CSMD3: variants seen among roughly 807,000 people sequenced by gnomAD.
CSMD3 encodes the protein CUB and Sushi multiple domains 3.
Under a neutral mutation model 435.2 loss-of-function variants are expected in CSMD3, and 177 were observed. The observed-to-expected ratio is 0.41, with a 90% confidence interval of 0.36 to 0.46. CSMD3 has a LOEUF of 0.46. Among genes scored for constraint, CSMD3 ranks in the 20% least tolerant of loss-of-function variants. The pLI is 0.34. For missense variants in CSMD3, 4,265 were observed against 4,504.6 expected (o/e 0.95, Z 1.52); for synonymous variants, 1,656 against 1,520.5 (o/e 1.09, Z -2.07).
intron 11 of CSMD3, among the ~76,000 whole-genome samples, chr8:112,842,745 G>T (rs1224541122): frequency 6.6e-6 from 1 of 151,544 alleles, no homozygotes; most frequent in Non-Finnish European, 1.5e-5. Context: ...AGTATATGAG[G>T]AATTTTAGCA....
intron 13 of CSMD3, among the ~76,000 whole-genome samples, chr8:112,696,037 C>G (rs1401078868): frequency 2.0e-5 from 3 of 152,170 alleles, no homozygotes; most frequent in Admixed American, 6.5e-5. Context: ...TGAAGGACCT[C>G]TTCAAGGAGA....
chr8:112,951,346 G>A (rs2083802321), intron 8 of CSMD3, among the ~76,000 whole-genome samples: 1 of 151,754 alleles, frequency 6.6e-6, no homozygotes, highest in South Asian at 2.1e-4. Context: ...TACATGAATA[G>A]TGTAAGTATG....
At chr8:112,790,519 A>G (rs1384623535) in intron 13 of CSMD3, among the ~76,000 whole-genome samples, 1 of 152,106 alleles carries the variant, frequency 6.6e-6, no homozygotes, top group Non-Finnish European at 1.5e-5. Context: ...ACTTTGTACA[A>G]CTTTGCATAA....
chr8:113,155,648 T>C (rs1238083443), intron 4 of CSMD3, among the ~76,000 whole-genome samples: 3 of 152,036 alleles, frequency 2.0e-5, no homozygotes, highest in African/African-American at 4.8e-5. Context: ...TGAATATATA[T>C]TTGAAATTAA....
chr8:112,545,748 A>C (rs1245521632), intron 27 of CSMD3, among the ~76,000 whole-genome samples: 1 of 152,136 alleles, frequency 6.6e-6, no homozygotes, highest in African/African-American at 2.4e-5. Flanking sequence ...GTAACCATGC[A>C]TTATAATTAC....
At chr8:112,696,084 C>G (rs1213371972) in intron 13 of CSMD3, among the ~76,000 whole-genome samples, 1 of 152,106 alleles carries the variant, frequency 6.6e-6, no homozygotes, top group Non-Finnish European at 1.5e-5. Flanking sequence ...AAAGAGGACA[C>G]AAATGGAAGA....
At chr8:113,349,947 C>G (rs1009773084) in intron 1 of CSMD3, among the ~76,000 whole-genome samples, 1 of 151,956 alleles carries the variant, frequency 6.6e-6, no homozygotes. Context: ...AAGTCTGTGT[C>G]CATTCTGGGT....
At chr8:113,254,943 G>A (rs2093367059) in intron 3 of CSMD3, among the ~76,000 whole-genome samples, 1 of 152,106 alleles carries the variant, frequency 6.6e-6, no homozygotes, top group Non-Finnish European at 1.5e-5. Flanking sequence ...TAACAATTGG[G>A]TGAAAGTATT....
At chr8:113,376,475 G>A in intron 1 of CSMD3, among the ~76,000 whole-genome samples, 1 of 152,208 alleles carries the variant, frequency 6.6e-6, no homozygotes, top group Non-Finnish European at 1.5e-5. Flanking sequence ...ACTGGGAGGT[G>A]AGGGGTTGGA....
At chr8:112,919,194 T>C (rs1195044324) in intron 10 of CSMD3, among the ~76,000 whole-genome samples, 1 of 151,880 alleles carries the variant, frequency 6.6e-6, no homozygotes, top group Non-Finnish European at 1.5e-5. Flanking sequence ...GCTTTTTTTA[T>C]ACTTCCTATA....
At chr8:112,297,968 G>A (rs992223445) in intron 53 of CSMD3, among the ~76,000 whole-genome samples, 1 of 132,608 alleles carries the variant, frequency 7.5e-6, no homozygotes, top group African/African-American at 2.8e-5. Context: ...AATAAAAAAA[G>A]AACAATTTTA....
At chr8:113,434,421 G>A (rs1166905348) in intron 1 of CSMD3, among the ~76,000 whole-genome samples, 1 of 152,150 alleles carries the variant, frequency 6.6e-6, no homozygotes, top group Non-Finnish European at 1.5e-5. Context: ...CTTGAGACAG[G>A]TGAAATTAAA....
At chr8:112,660,436 G>C (rs2075353513) in intron 17 of CSMD3, among the ~76,000 whole-genome samples, 1 of 152,144 alleles carries the variant, frequency 6.6e-6, no homozygotes, top group Non-Finnish European at 1.5e-5. Context: ...TGTGATATCT[G>C]TGTAAGATGT....
At chr8:112,462,582 T>C (rs117669291) in intron 32 of CSMD3, among the ~76,000 whole-genome samples, 58 of 152,330 alleles carry the variant, frequency 3.8e-4, no homozygotes, top group Non-Finnish European at 5.0e-4. Context: ...AATCCCATTC[T>C]AGAGCATATT....
intron 16 of CSMD3, 122 bp downstream of exon 16, chr8:112,682,320 A>C (rs1260295617): frequency 1.2e-6 from 1 of 820,046 alleles, no homozygotes; most frequent in East Asian, 2.6e-5. Context: ...TTTAATATAG[A>C]ATATCAAGAA....
intron 10 of CSMD3, among the ~76,000 whole-genome samples, chr8:112,887,739 C>A (rs1433236802): frequency 3.6e-4 from 53 of 145,758 alleles, no homozygotes; most frequent in African/African-American, 3.7e-4. Context: ...AGTCTTTATG[C>A]AAAAAAAAAA....
chr8:112,947,964 G>T, intron 8 of CSMD3, 87 bp from the exon 9 acceptor site: 2 of 661,448 alleles, frequency 3.0e-6, no homozygotes, highest in Non-Finnish European at 5.5e-6. Flanking sequence ...TACATAAAAT[G>T]TATTATTGTA....
rs545818781 is a variant in CSMD3, at chr8:112,421,470, G to A, written c.5396-12438C>T. 1.7e-4 allele frequency among the ~76,000 whole-genome samples: 25 copies of A among 151,212 alleles called. No individual in the cohort carries two copies. In the East Asian group the frequency reaches 4.7e-3, roughly 28 times the overall value. ...GAGGCAGGAGAATTACTGGAACCCGGGAGCCACAGGTTGTAGTGAGCCAAG... is the reference window on the plus strand; with the variant it reads ...GAGGCAGGAGAATTACTGGAACCCGAGAGCCACAGGTTGTAGTGAGCCAAG... On this transcript the variant is annotated intron_variant, in intron 32 of 70. Transcript: ENST00000297405.
rs767345588 is a variant in CSMD3 at position 112,408,408 on chromosome 8, A to C, written c.5515T>G (p.Ser1839Ala). The change falls in exon 34 of 71, where the codon TCA (serine) becomes GCA (alanine). Residue 1839 changes from serine to alanine, a missense_variant. By Grantham distance (99) the Ser-to-Ala change is moderately conservative. Coordinates refer to ENST00000297405, the MANE Select transcript of CSMD3 (RefSeq NM_198123.2). ...SSLSGSHSGESLPLSSGNQIT... is the reference protein window; with the variant it reads ...SSLSGSHSGEALPLSSGNQIT... ...TGATTACCTGAACTCAGTGGAAGTG[A>C]TTCTCCTACTCAACAAAACAAACAC... is the stretch of plus-strand genomic sequence containing the variant. 1 of 1,596,014 alleles carries C rather than the reference A, an allele frequency of 6.3e-7. No individual in the cohort carries two copies. Among genetic ancestry groups the C allele is most frequent in the East Asian group, 2.2e-5 (1 of 44,702 alleles).
Sources: allele counts gnomAD v4.1 joint callset (sites outside exome capture counted in the v4.1 genomes callset), GRCh38; gene constraint gnomAD v4.1.1; transcripts MANE v1.5; gene names NCBI Gene and HGNC (gene_info 2026-07-23, HGNC 2026-07-21).